Variants in PIEZO1 observed in about 807,000 individuals in gnomAD.
PIEZO1 encodes piezo-type mechanosensitive ion channel component 1.
A neutral mutation model predicts 297.2 loss-of-function variants in PIEZO1; 296 were observed. That is an observed-to-expected ratio of 1.00 (90% confidence interval 0.91 to 1.10). The LOEUF (loss-of-function observed/expected upper bound fraction) is 1.10. Ranked by LOEUF, PIEZO1 falls within the 50% of genes least tolerant of loss-of-function variation. The probability of loss-of-function intolerance (pLI) is 0.00; values close to 1 mark genes in which losing one functional copy is unlikely to be tolerated. For missense variants in PIEZO1, 5,018 were observed against 3,455.5 expected, an observed-to-expected ratio of 1.45 and a Z score of -11.34; for synonymous variants, 2,427 against 1,507.5, an observed-to-expected ratio of 1.61 and a Z score of -14.13.
intron 1 of PIEZO1, among the ~76,000 whole-genome samples, chr16:88,773,620 A>T (rs1191757019): frequency 6.6e-6 from 1 of 152,152 alleles, no homozygotes; most frequent in Non-Finnish European, 1.5e-5. Flanking sequence ...AGGTCGGGGG[A>T]CTGGACAGCA....
At chr16:88,717,974 T>G (rs1408325273) in intron 44 of PIEZO1, 2 of 339,528 alleles carry the variant, frequency 5.9e-6, no homozygotes, top group Non-Finnish European at 1.1e-5. Context: ...TCCCAGCTAC[T>G]CGGGAGGCTG....
At position 88,721,155 on chromosome 16, in the gene PIEZO1, G is replaced by T. The variant is rs1244661694; in HGVS notation, c.5668+11C>A. The T allele has an allele frequency of 1.4e-6, 2 of 1,477,240 alleles. No homozygotes were observed. The highest frequency in any genetic ancestry group is 2.3e-5 in the Admixed American group (1 of 43,186). The allele number at this position is 1,477,240 out of a possible 1,614,324, so 91.5% of individuals were successfully genotyped here. A position where few individuals can be genotyped will look rare whatever the true frequency, so the allele number is the denominator to read the frequency against. On this transcript the variant is annotated intron_variant, in intron 39 of 50. Coordinates refer to ENST00000301015, the MANE Select transcript of PIEZO1 (RefSeq NM_001142864.4). The stretch of plus-strand genomic sequence containing the variant: ...GGGTAGGCAGGAGGTTGTGAGGCAG[G>T]GCGCTTATACCGATGGCTGCCGCTC...
intron 1 of PIEZO1, among the ~76,000 whole-genome samples, chr16:88,767,528 A>G (rs1907231938): frequency 1.3e-5 from 2 of 152,102 alleles, no homozygotes; most frequent in South Asian, 4.1e-4. Context: ...CAGCTTCCCT[A>G]CAAACCCCTG....
Position 88,727,586 on chromosome 16 carries a change from A to C in PIEZO1, c.3272T>G (p.Phe1091Cys), listed in dbSNP as rs1904545655. The change falls in exon 23 of 51, where the codon TTC (phenylalanine) becomes TGC (cysteine). Residue 1091 changes from phenylalanine (F) to cysteine (C), a missense_variant. Transcript: ENST00000301015. ...LIKWLYLPDF[F>C]RAPNSTNLIS... ...GAGGTTGGTGGAGTTGGGGGCCCGG[A>C]AGAAATCAGGCAGGTACAGCCACTT... The C allele has an allele frequency of 1.3e-6, 2 of 1,531,562 alleles. No homozygotes were observed. The highest frequency in any genetic ancestry group is 4.1e-5 in the Admixed American group (2 of 48,824). The allele number at this position is 1,531,562 out of a possible 1,614,324, so 94.9% of individuals were successfully genotyped here. A position where few individuals can be genotyped will look rare whatever the true frequency, so the allele number is the denominator to read the frequency against.
rs1451029703 is a variant in PIEZO1, at chr16:88,736,117, G to C, written c.1557+31C>G. 15 of 1,520,012 alleles carry C rather than the reference G, an allele frequency of 9.9e-6. No homozygotes were observed. The South Asian group carries it at 1.7e-4, about 17-fold the overall frequency. 94.2% of individuals were successfully genotyped at this position (1,520,012 alleles called of 1,614,324 possible). ...CAACCCTGATGGGTCTGCGCACCCAGGCACCCCCGGATGTGGTGGTGCACA... is the reference window on the plus strand; with the variant it reads ...CAACCCTGATGGGTCTGCGCACCCACGCACCCCCGGATGTGGTGGTGCACA... On this transcript the variant is annotated intron_variant, in intron 12 of 50. Coordinates refer to ENST00000301015, the MANE Select transcript of PIEZO1 (RefSeq NM_001142864.4).
rs1905341956 is a variant in PIEZO1, at chr16:88,737,807, T to G, written c.1028A>C (p.Glu343Ala). The G allele has an allele frequency of 5.9e-6, 9 of 1,535,656 alleles. No homozygotes were observed. Among genetic ancestry groups the G allele is most frequent in the Non-Finnish European group, 7.8e-6 (9 of 1,146,714 alleles). ...CCGAGCCTCATACCCCTTTGCCGCCTCCTTCCTCTGCAGAGACCAGCGTCT... is the reference window on the plus strand; with the variant it reads ...CCGAGCCTCATACCCCTTTGCCGCCGCCTTCCTCTGCAGAGACCAGCGTCT... ...RAYRPSGQRK[E>A]AAKGYEAREL... The change falls in exon 9 of 51, where the codon GAG becomes GCG. Residue 343 changes from glutamate to alanine, a missense_variant. Coordinates refer to ENST00000301015, the MANE Select transcript of PIEZO1 (RefSeq NM_001142864.4).
At chr16:88,774,784 C>A (rs1349312016) in intron 1 of PIEZO1, among the ~76,000 whole-genome samples, 2 of 152,198 alleles carry the variant, frequency 1.3e-5, no homozygotes, top group Non-Finnish European at 2.9e-5. Context: ...AAAAACAGGG[C>A]ACCCCGGAGC....
At position 88,785,004 on chromosome 16, in the gene PIEZO1, C is replaced by T; in HGVS notation, c.-40G>A. On this transcript the variant is annotated 5_prime_UTR_variant, in exon 1 of 51. Transcript: ENST00000301015. ...GGGCCCGGCCCAGACCGAGCGGACG[C>T]CGCGGCGCTATGGGGCGGTGCGGGG... 1 of 1,195,834 alleles carries T rather than the reference C, an allele frequency of 8.4e-7. No homozygotes were observed. The highest frequency in any genetic ancestry group is 1.0e-6 in the Non-Finnish European group (1 of 959,464). The allele number at this position is 1,195,834 out of a possible 1,614,324, so 74.1% of individuals were successfully genotyped here. A position where few individuals can be genotyped will look rare whatever the true frequency, so the allele number is the denominator to read the frequency against.
At chr16:88,780,184 T>C (rs1464167305) in intron 1 of PIEZO1, among the ~76,000 whole-genome samples, 1 of 152,136 alleles carries the variant, frequency 6.6e-6, no homozygotes, top group African/African-American at 2.4e-5. Context: ...GGCCAGCAGG[T>C]GTGGGACTCA....
rs1345185608 is a variant in PIEZO1 at position 88,737,736 on chromosome 16, A to G, written c.1099T>C (p.Ser367Pro). The G allele has an allele frequency of 1.1e-5, 17 of 1,534,606 alleles. No individual in the cohort carries two copies. The highest frequency in any genetic ancestry group is 1.5e-5 in the Non-Finnish European group (17 of 1,146,388). The part of the protein sequence containing the change: ...ELDQWPQERE[S>P]DQHVVPTAPD... ...CCTGCCTGGCTGCTCACCTGGTCAG[A>G]CTCCCGTTCCTGGGGCCACTGGTCC... Residue 367 changes from serine to proline, a missense_variant, in exon 9 of 51, where the codon TCT becomes CCT. By Grantham distance (74) the Ser-to-Pro change is moderately conservative. Coordinates refer to ENST00000301015, the MANE Select transcript of PIEZO1 (RefSeq NM_001142864.4).
In PIEZO1 at chr16:88,721,333, G is replaced by A. The variant is rs1422276764; in HGVS notation, c.5501C>T (p.Pro1834Leu). ...EQGAEEGPGVPAATTEDHIQV... is the reference protein window; with the variant it reads ...EQGAEEGPGVLAATTEDHIQV... ...AATGTGGTCTTCGGTGGTGGCCGCA[G>A]GCACCCCTGGCCCCTCCTCGGCTCC... Residue 1834 changes from proline (P) to leucine (L), a missense_variant, in exon 39 of 51, where the codon CCT becomes CTT. By Grantham distance (98) the Pro-to-Leu change is moderately conservative (BLOSUM62 -3). Transcript: ENST00000301015. 6 of 1,547,242 alleles carry A rather than the reference G, an allele frequency of 3.9e-6. No individual in the cohort carries two copies. The highest frequency in any genetic ancestry group is 2.0e-5 in the Admixed American group (1 of 50,970).
chr16:88,731,100 G>A (rs1377164106), intron 22 of PIEZO1: 1 of 155,864 alleles, frequency 6.4e-6, no homozygotes, highest in Non-Finnish European at 1.4e-5. Flanking sequence ...CAGTCTCACG[G>A]CGTCAGCAAC....
chr16:88,764,531 T>C (rs983357558), intron 1 of PIEZO1, among the ~76,000 whole-genome samples: 4 of 151,700 alleles, frequency 2.6e-5, no homozygotes, highest in African/African-American at 4.8e-5. Flanking sequence ...GGCGGGTGGA[T>C]CATGAGGTCA....
At position 88,785,166 on chromosome 16, in the gene PIEZO1, G is replaced by C; in HGVS notation, c.-202C>G. 3.5e-6 allele frequency: 1 copy of C among 287,248 alleles called. No homozygotes were observed. Among genetic ancestry groups the C allele is most frequent in the Non-Finnish European group, 6.3e-6 (1 of 159,568 alleles). The allele number at this position is 287,248 out of a possible 1,614,324, so 17.8% of individuals were successfully genotyped here. A position where few individuals can be genotyped will look rare whatever the true frequency, so the allele number is the denominator to read the frequency against. On this transcript the variant is annotated 5_prime_UTR_variant, in exon 1 of 51. Transcript: ENST00000301015. ...CGCTCAGGCGACCGCCCTGCCCCTC[G>C]GCGGAGCGCAGCGCTCGGCTCACTG... is the stretch of plus-strand genomic sequence containing the variant.
At chr16:88,758,845 G>A (rs1906794624) in intron 1 of PIEZO1, among the ~76,000 whole-genome samples, 2 of 152,240 alleles carry the variant, frequency 1.3e-5, no homozygotes, top group South Asian at 4.1e-4. Flanking sequence ...CACATAGCAT[G>A]AGAGAGCAAA....
intron 1 of PIEZO1, among the ~76,000 whole-genome samples, chr16:88,766,292 C>T (rs568167964): frequency 3.9e-5 from 6 of 152,294 alleles, no homozygotes; most frequent in Admixed American, 2.6e-4. Context: ...TTCCCAGGAC[C>T]GCCACAGAGA....
intron 2 of PIEZO1, among the ~76,000 whole-genome samples, chr16:88,749,161 A>G (rs1263550234): frequency 2.0e-5 from 3 of 151,428 alleles, no homozygotes; most frequent in Non-Finnish European, 4.4e-5. Flanking sequence ...AATGGCGTGA[A>G]CCTGGGAGGC....
At chr16:88,726,248 ACGGGAG>A in intron 27 of PIEZO1, 30 bp downstream of exon 27, 3 of 1,509,420 alleles carry the variant, frequency 2.0e-6, no homozygotes, top group Non-Finnish European at 2.7e-6. Context: ...CAGCCCCAAG[ACGGGAG>A]CTCTGGGCTG....
intron 1 of PIEZO1, among the ~76,000 whole-genome samples, chr16:88,763,523 C>A (rs908774408): frequency 1.3e-5 from 2 of 152,204 alleles, no homozygotes; most frequent in Non-Finnish European, 2.9e-5. Flanking sequence ...ATTTAAAAAA[C>A]AAAACAAAAC....
Sources: gnomAD v4.1 joint callset for allele counts (sites outside exome capture counted in the v4.1 genomes callset) on GRCh38, gnomAD v4.1.1 for gene constraint, MANE v1.5 for transcripts, NCBI Gene and HGNC (gene_info 2026-07-23, HGNC 2026-07-21) for gene names.